Variants in CUX2 observed in about 807,000 individuals in gnomAD.
CUX2 encodes homeobox protein cut-like 2.
CUX2 carries 40 observed loss-of-function variants against 144.8 expected under a neutral mutation model. That is an observed-to-expected ratio of 0.28 (90% confidence interval 0.21 to 0.36). CUX2 has a LOEUF of 0.36. CUX2 is among the 10% of genes least tolerant of loss of function. The pLI is 1.00. For synonymous variants in CUX2, 827 were observed against 875.6 expected (o/e 0.94, Z 0.98); for missense variants, 1,615 against 1,994.0 (o/e 0.81, Z 3.62).
chr12:111,190,348 G>A lies in CUX2; in HGVS notation c.64-23852G>A, dbSNP rs530872409. 1.5e-3 allele frequency among the ~76,000 whole-genome samples: 225 copies of A among 152,120 alleles called. 2 individuals carry two copies. The highest frequency in any genetic ancestry group is 2.5e-3 in the Non-Finnish European group (173 of 68,000). ...GGGTGCAGAGGTTCCCATTTTGCCCGTCCTAACCAGATTACAGTATGTTGC... is the reference window on the plus strand; with the variant it reads ...GGGTGCAGAGGTTCCCATTTTGCCCATCCTAACCAGATTACAGTATGTTGC... On this transcript the variant is annotated intron_variant, in intron 1 of 21. Coordinates refer to ENST00000261726, the MANE Select transcript of CUX2 (RefSeq NM_015267.4). This position sits in a 1 kb window ranked among gnomAD's most constrained non-coding sequence, Gnocchi z 4.0.
intron 4 of CUX2, among the ~76,000 whole-genome samples, chr12:111,271,346 T>C (rs1884638620): frequency 6.6e-6 from 1 of 152,236 alleles, no homozygotes; most frequent in Admixed American, 6.5e-5. Flanking sequence ...CCGTGATTTT[T>C]CCCTGTGTAC....
intron 1 of CUX2, among the ~76,000 whole-genome samples, chr12:111,041,545 A>T (rs1239690904): frequency 6.6e-6 from 1 of 152,246 alleles, no homozygotes; most frequent in Non-Finnish European, 1.5e-5. Context: ...TGTCTAGATT[A>T]GTGAGATATT....
chr12:111,265,497 A>T (rs749473940), intron 4 of CUX2, among the ~76,000 whole-genome samples: 1 of 151,716 alleles, frequency 6.6e-6, no homozygotes, highest in Admixed American at 6.6e-5. Context: ...ATGCACCACC[A>T]TTCCCGGCTA....
At chr12:111,049,679 G>A (rs1047934996) in intron 1 of CUX2, among the ~76,000 whole-genome samples, 25 of 152,284 alleles carry the variant, frequency 1.6e-4, no homozygotes, top group Admixed American at 2.6e-4. Flanking sequence ...GTAGAGGGTG[G>A]GTGGTCTCAG....
chr12:111,121,369 C>CTTTTTTCTTTTT (rs1874660146), intron 1 of CUX2, among the ~76,000 whole-genome samples: 1 of 59,036 alleles, frequency 1.7e-5, no homozygotes, highest in African/African-American at 5.4e-5. Context: ...TTTCTTTTTT[C>CTTTTTTCTTTTT]TTTTTTTTTT....
At chr12:111,285,839 C>T (rs547439092) in intron 4 of CUX2, among the ~76,000 whole-genome samples, 1 of 152,344 alleles carries the variant, frequency 6.6e-6, no homozygotes, top group Admixed American at 6.5e-5. Flanking sequence ...CTGGATGTCA[C>T]CGCCACCTTC....
chr12:111,335,406 G>A (rs1016429103), intron 19 of CUX2, among the ~76,000 whole-genome samples: 3 of 148,636 alleles, frequency 2.0e-5, no homozygotes, highest in African/African-American at 7.4e-5. Flanking sequence ...AAAAAAATCA[G>A]TCAATCAGTA....
Position 111,087,236 on chromosome 12 carries a change from C to T in CUX2, c.63+52996C>T, listed in dbSNP as rs376629959. On this transcript the variant is annotated intron_variant, in intron 1 of 21. Coordinates refer to ENST00000261726, the MANE Select transcript of CUX2 (RefSeq NM_015267.4). Reference sequence around the variant, plus strand: ...CACAAAAATTAGCTGGGCGTGGTGGCGGGCACCTGTAATCCCAGCTACTCG... The same window carrying T: ...CACAAAAATTAGCTGGGCGTGGTGGTGGGCACCTGTAATCCCAGCTACTCG... Among the ~76,000 whole-genome samples the T allele has an allele frequency of 3.0e-3, 457 of 151,554 alleles. 4 individuals carry two copies. The highest frequency in any genetic ancestry group is 0.01 in the African/African-American group (431 of 41,316).
chr12:111,062,698 C>T (rs770824267), intron 1 of CUX2, among the ~76,000 whole-genome samples: 6 of 152,214 alleles, frequency 3.9e-5, no homozygotes, highest in Non-Finnish European at 8.8e-5. Flanking sequence ...GCAAGCCCAG[C>T]TAAGGGCTGC....
intron 9 of CUX2, among the ~76,000 whole-genome samples, chr12:111,300,109 A>G (rs1886218519): frequency 6.6e-6 from 1 of 152,124 alleles, no homozygotes; most frequent in Non-Finnish European, 1.5e-5. Context: ...GAATATATCT[A>G]TTTTAACCAG....
chr12:111,180,313 G>A (rs893380023), intron 1 of CUX2, among the ~76,000 whole-genome samples: 6 of 152,026 alleles, frequency 3.9e-5, no homozygotes, highest in African/African-American at 7.3e-5. Context: ...CTTCTCCAGC[G>A]CAGGACATGA....
chr12:111,235,169 G>A (rs60331581), intron 3 of CUX2, among the ~76,000 whole-genome samples: 11,986 of 152,158 alleles, frequency 0.079, 498 homozygotes, highest in South Asian at 0.11. Flanking sequence ...AATTATTCCC[G>A]GATGGCTATT....
At chr12:111,184,082 G>A (rs1037854041) in intron 1 of CUX2, among the ~76,000 whole-genome samples, 4 of 152,162 alleles carry the variant, frequency 2.6e-5, no homozygotes, top group Admixed American at 2.0e-4. Context: ...TCCCTTGCGG[G>A]GTTGATGGGA....
chr12:111,237,634 C>A (rs182248258), intron 3 of CUX2, among the ~76,000 whole-genome samples: 32 of 152,322 alleles, frequency 2.1e-4, no homozygotes, highest in African/African-American at 7.7e-4. Flanking sequence ...GGCACGCCTC[C>A]CTGTTTAAAA....
At chr12:111,227,746 C>G (rs1025983721) in intron 3 of CUX2, among the ~76,000 whole-genome samples, 10 of 152,168 alleles carry the variant, frequency 6.6e-5, no homozygotes, top group Admixed American at 3.9e-4. Flanking sequence ...GGGGCCAGCC[C>G]TCTTCTCCCC....
intron 1 of CUX2, among the ~76,000 whole-genome samples, chr12:111,055,921 C>T (rs995715416): frequency 5.3e-5 from 8 of 152,190 alleles, no homozygotes; most frequent in African/African-American, 1.2e-4. Context: ...CTAGCTCTGC[C>T]GTGAAGCAGC....
Position 111,295,436 on chromosome 12 carries a change from A to C in CUX2, c.637+27A>C, listed in dbSNP as rs757105794. The C allele has an allele frequency of 1.9e-6, 3 of 1,598,054 alleles. No homozygotes were observed. The South Asian group carries it at 3.4e-5, about 18-fold the overall frequency. ...TATGTGTCGGCACCATGTGGCCTAG[A>C]GGGAGGACTGGGAGGGGACGGTAAT... On this transcript the variant is annotated intron_variant, in intron 7 of 21. Transcript: ENST00000261726. This position sits in a 1 kb window ranked among gnomAD's most constrained non-coding sequence, Gnocchi z 5.0.
At chr12:111,323,054 G>A (rs898999049) in intron 18 of CUX2, among the ~76,000 whole-genome samples, 1 of 152,204 alleles carries the variant, frequency 6.6e-6, no homozygotes, top group Admixed American at 6.5e-5. Context: ...GTGAGGAAAC[G>A]GAGGCTCAGA....
rs1025524123 is a variant in CUX2, at chr12:111,178,128, T to C, written c.64-36072T>C. ...AACCCTGGGGTTTTCTGCAAAGGTC[T>C]GTCTGTGTCTAGAAGAAGAGATTCC... is the stretch of plus-strand genomic sequence containing the variant. On this transcript the variant is annotated intron_variant, in intron 1 of 21. Transcript: ENST00000261726. The surrounding 1 kb of genome is among the most constrained non-coding windows in gnomAD (Gnocchi z 5.7). 1.4e-4 allele frequency among the ~76,000 whole-genome samples: 21 copies of C among 152,244 alleles called. No individual in the cohort carries two copies. Among genetic ancestry groups the C allele is most frequent in the Non-Finnish European group, 7.3e-5 (5 of 68,040 alleles).
Sources: allele counts gnomAD v4.1 joint callset (sites outside exome capture counted in the v4.1 genomes callset), GRCh38; gene constraint gnomAD v4.1.1; non-coding constraint Gnocchi (gnomAD v3.1); transcripts MANE v1.5; gene names NCBI Gene and HGNC (gene_info 2026-07-23, HGNC 2026-07-21).